PAX5: variants seen among roughly 807,000 people sequenced by gnomAD.
The protein encoded by PAX5 is paired box protein Pax-5.
Under a neutral mutation model 43.7 loss-of-function variants are expected in PAX5, and 9 were observed. The ratio of observed to expected loss-of-function variants is 0.21; its 90% CI spans 0.12 to 0.36. The LOEUF (loss-of-function observed/expected upper bound fraction) is 0.36, where lower values mean the gene tolerates loss of function less well. Among genes scored for constraint, PAX5 ranks in the 10% least tolerant of loss-of-function variants. The probability of loss-of-function intolerance (pLI) is 1.00; values close to 1 mark genes in which losing one functional copy is unlikely to be tolerated. For synonymous variants in PAX5, 228 were observed against 214.3 expected (o/e 1.06, Z -0.56); for missense variants, 383 against 532.7 (o/e 0.72, Z 2.77).
intron 1 of PAX5, among the ~76,000 whole-genome samples, chr9:37,032,518 C>A (rs927615936): frequency 6.6e-6 from 1 of 152,192 alleles, no homozygotes; most frequent in South Asian, 2.1e-4. Context: ...CACTCTTCTG[C>A]CTCAGATCTC....
In PAX5 at chr9:36,948,713, G is replaced by A. The variant is rs1338546277; in HGVS notation, c.780+17836C>T. 2.6e-5 allele frequency among the ~76,000 whole-genome samples: 4 copies of A among 152,140 alleles called. No individual in the cohort carries two copies. The East Asian group carries it at 7.7e-4, about 29-fold the overall frequency. On this transcript the variant is annotated intron_variant, in intron 6 of 9. Transcript: ENST00000358127. ...TTCCCAGAAACTCCCCAGTGCAAATGCCCCATCACTGCAGGTCAGATAGGG... is the reference window on the plus strand; with the variant it reads ...TTCCCAGAAACTCCCCAGTGCAAATACCCCATCACTGCAGGTCAGATAGGG...
chr9:36,946,139 G>C (rs12345085), intron 6 of PAX5, among the ~76,000 whole-genome samples: 1 of 150,756 alleles, frequency 6.6e-6, no homozygotes, highest in African/African-American at 2.5e-5. Context: ...TGCTCTGTCA[G>C]GATGCAGTGC....
chr9:36,883,780 C>CAA, intron 7 of PAX5, among the ~76,000 whole-genome samples: 1 of 149,806 alleles, frequency 6.7e-6, no homozygotes, highest in Non-Finnish European at 1.5e-5. Context: ...TATCAAGATT[C>CAA]AAAAAAAAAG....
At chr9:36,844,523 T>C (rs1387644061) in intron 9 of PAX5, among the ~76,000 whole-genome samples, 1 of 152,188 alleles carries the variant, frequency 6.6e-6, no homozygotes, top group Non-Finnish European at 1.5e-5. Context: ...CAAGCGCTCA[T>C]GTAGATGAAT....
intron 1 of PAX5, among the ~76,000 whole-genome samples, 182 bp downstream of exon 1, chr9:37,033,804 A>T (rs1405151860): frequency 1.3e-5 from 2 of 152,336 alleles, no homozygotes; most frequent in Admixed American, 6.5e-5. Context: ...ACTCACAGAT[A>T]TTTGGACTGA....
At chr9:37,024,164 A>G (rs1157505425) in intron 1 of PAX5, among the ~76,000 whole-genome samples, 2 of 152,236 alleles carry the variant, frequency 1.3e-5, no homozygotes, top group Non-Finnish European at 2.9e-5. Context: ...ACCGTCAGGT[A>G]GGACCCTGGC....
chr9:36,954,878 T>C (rs1336070165), intron 6 of PAX5, among the ~76,000 whole-genome samples: 1 of 152,208 alleles, frequency 6.6e-6, no homozygotes, highest in Non-Finnish European at 1.5e-5. Flanking sequence ...TTGTTTTATC[T>C]CTTACCTTTT....
chr9:36,892,803 A>T (rs1333233345), intron 7 of PAX5, among the ~76,000 whole-genome samples: 1 of 152,230 alleles, frequency 6.6e-6, no homozygotes, highest in Non-Finnish European at 1.5e-5. Context: ...AATGAGGTAG[A>T]TTTGATTGTG....
At chr9:37,013,538 G>T (rs1348604643) in intron 3 of PAX5, among the ~76,000 whole-genome samples, 1 of 152,136 alleles carries the variant, frequency 6.6e-6, no homozygotes, top group African/African-American at 2.4e-5. Flanking sequence ...TGGAAATCCC[G>T]CAAAGAGCCA....
chr9:36,892,010 T>C (rs189557294), intron 7 of PAX5, among the ~76,000 whole-genome samples: 1 of 152,344 alleles, frequency 6.6e-6, no homozygotes, highest in East Asian at 1.9e-4. Context: ...TTCACCTGCC[T>C]GGCATTTTAG....
At chr9:36,958,614 A>C (rs1833698708) in intron 6 of PAX5, among the ~76,000 whole-genome samples, 1 of 152,008 alleles carries the variant, frequency 6.6e-6, no homozygotes, top group South Asian at 2.1e-4. Context: ...CGTCGCTTAT[A>C]CCCTAGCAAT....
chr9:37,032,892 G>A (rs572565760), intron 1 of PAX5, among the ~76,000 whole-genome samples: 1 of 152,254 alleles, frequency 6.6e-6, no homozygotes, highest in Non-Finnish European at 1.5e-5. Flanking sequence ...GGAGGCCTGT[G>A]CGCATACAGG....
chr9:36,928,338 A>G (rs1190886845), intron 6 of PAX5, among the ~76,000 whole-genome samples: 1 of 152,136 alleles, frequency 6.6e-6, no homozygotes, highest in Non-Finnish European at 1.5e-5. Context: ...TACATTATCC[A>G]CAAGACCCAG....
Position 36,945,489 on chromosome 9 carries a change from C to T in PAX5, c.780+21060G>A, listed in dbSNP as rs527723178. Among the ~76,000 whole-genome samples the T allele has an allele frequency of 2.0e-4, 30 of 152,352 alleles. 1 individual carries two copies. In the South Asian group the frequency reaches 6.0e-3, roughly 30 times the overall value. On this transcript the variant is annotated intron_variant, in intron 6 of 9. Coordinates refer to ENST00000358127, the MANE Select transcript of PAX5 (RefSeq NM_016734.3). ...CTCCTGGGTTCAAGTGATCTTCCCA[C>T]ATTGGCCTCCCACAGTGCTGGGATG...
At chr9:36,966,251 A>G (rs1011616685) in intron 6 of PAX5, among the ~76,000 whole-genome samples, 2 of 152,030 alleles carry the variant, frequency 1.3e-5, no homozygotes, top group African/African-American at 2.4e-5. Context: ...AGATCATTAC[A>G]CCCTTCTGTC....
chr9:36,958,220 G>A lies in PAX5; in HGVS notation c.780+8329C>T, dbSNP rs529545828. Among the ~76,000 whole-genome samples, 15 of 152,120 alleles carry A rather than the reference G, an allele frequency of 9.9e-5. 1 individual carries two copies. The South Asian group carries it at 3.1e-3, about 32-fold the overall frequency. On this transcript the variant is annotated intron_variant, in intron 6 of 9. Transcript: ENST00000358127. ...CTACTGCAGGGCCTCTAAATGTGCT[G>A]TTGAGGACCGTGACCATTGCCTCAC...
intron 6 of PAX5, among the ~76,000 whole-genome samples, chr9:36,927,795 G>GC (rs1208324107): frequency 6.7e-6 from 1 of 150,094 alleles, no homozygotes; most frequent in African/African-American, 2.5e-5. Flanking sequence ...TGCAACCTCC[G>GC]CCCCCCGGGT....
chr9:36,856,678 C>A, intron 8 of PAX5: 1 of 152,098 alleles, frequency 6.6e-6, no homozygotes, highest in Admixed American at 6.5e-5. Context: ...GCTGGGACTA[C>A]GGGTTCACGC....
intron 6 of PAX5, among the ~76,000 whole-genome samples, chr9:36,949,618 G>T (rs1832836592): frequency 6.6e-6 from 1 of 152,144 alleles, no homozygotes; most frequent in Non-Finnish European, 1.5e-5. Flanking sequence ...AACGTAACAG[G>T]TTGCAAAGTC....
Sources: allele counts gnomAD v4.1 joint callset (sites outside exome capture counted in the v4.1 genomes callset), GRCh38; gene constraint gnomAD v4.1.1; transcripts MANE v1.5; gene names NCBI Gene and HGNC (gene_info 2026-07-23, HGNC 2026-07-21).